CHST12: variants seen among roughly 807,000 people sequenced by gnomAD.
CHST12 encodes the protein carbohydrate (chondroitin 4) sulfotransferase 12.
Under a neutral mutation model 27.9 loss-of-function variants are expected in CHST12, and 23 were observed. The observed-to-expected ratio is 0.82, with a 90% CI of 0.59 to 1.17. The LOEUF is 1.17. Ranked by LOEUF, CHST12 falls within the 50% of genes most tolerant of loss-of-function variation. The pLI is 0.00. For missense variants in CHST12, 682 were observed against 603.0 expected, an observed-to-expected ratio of 1.13 and a Z score of -1.37; for synonymous variants, 322 against 273.0, an observed-to-expected ratio of 1.18 and a Z score of -1.77.
chr7:2,427,430 G>A lies in CHST12; in HGVS notation c.-77-5133G>A, dbSNP rs996158413. 5.9e-5 allele frequency among the ~76,000 whole-genome samples: 9 copies of A among 151,896 alleles called. 1 individual carries two copies. In the East Asian group the frequency reaches 1.7e-3, roughly 29 times the overall value. On this transcript the variant is annotated intron_variant, in intron 1 of 1. Coordinates refer to ENST00000618655, the MANE Select transcript of CHST12 (RefSeq NM_018641.5). ...ACGGGAGGATCACTTGAGCCTAGGA[G>A]GTCAAGGCTGCAGTGAGCTGTGATT...
At chr7:2,425,506 A>G (rs1340600040) in intron 1 of CHST12, among the ~76,000 whole-genome samples, 4 of 152,188 alleles carry the variant, frequency 2.6e-5, no homozygotes, top group Non-Finnish European at 4.4e-5. Flanking sequence ...CTGGCCTCTG[A>G]CGGAGATGAG....
At chr7:2,429,638 A>C (rs1188957877) in intron 1 of CHST12, among the ~76,000 whole-genome samples, 1 of 152,124 alleles carries the variant, frequency 6.6e-6, no homozygotes, top group Non-Finnish European at 1.5e-5. Flanking sequence ...TGTTTCATCT[A>C]GGTTGCTAAA....
At chr7:2,425,909 C>T (rs138507821) in intron 1 of CHST12, among the ~76,000 whole-genome samples, 1 of 152,024 alleles carries the variant, frequency 6.6e-6, no homozygotes, top group Non-Finnish European at 1.5e-5. Context: ...AGTCTGCACT[C>T]TGGTGGTGGC....
rs1397672831 is a variant in CHST12 at position 2,441,809 on chromosome 7, C to G, written c.*7925C>G. 1 of 150,762 alleles carries G rather than the reference C, an allele frequency of 6.6e-6. No individual in the cohort carries two copies. Among genetic ancestry groups the G allele is most frequent in the African/African-American group, 2.4e-5 (1 of 40,966 alleles). The allele number at this position is 150,762 out of a possible 1,614,324, so 9.3% of individuals were successfully genotyped here. Reference sequence around the variant, plus strand: ...AAGGTTGACCTTGTAAGTATATTTTCTTGGGTGAATTGTGGTGGTGGTAAT... The same window carrying G: ...AAGGTTGACCTTGTAAGTATATTTTGTTGGGTGAATTGTGGTGGTGGTAAT... On this transcript the variant is annotated 3_prime_UTR_variant, in exon 2 of 2. Transcript: ENST00000618655.
intron 1 of CHST12, among the ~76,000 whole-genome samples, chr7:2,430,924 C>T (rs1277277339): frequency 6.6e-6 from 1 of 152,162 alleles, no homozygotes; most frequent in Non-Finnish European, 1.5e-5. Flanking sequence ...GAGGTTTGGT[C>T]TACCATGGTG....
Position 2,433,741 on chromosome 7 carries a change from T to C in CHST12, c.1102T>C (p.Tyr368His). 1.2e-6 allele frequency: 2 copies of C among 1,613,810 alleles called. No homozygotes were observed. Among genetic ancestry groups the C allele is most frequent in the Non-Finnish European group, 1.7e-6 (2 of 1,179,996 alleles). ...CCGGCAGCTCCGCTTCCCCCCGAGC[T>C]ACCGGAACAGGACCGCCAGCAGCTG... ...VDRQLRFPPS[Y>H]RNRTASSWEE... The change falls in exon 2 of 2, where the codon TAC becomes CAC. Residue 368 changes from tyrosine to histidine, a missense_variant. Physicochemically the swap from Tyr to His is moderately conservative, Grantham distance 83. Coordinates refer to ENST00000618655, the MANE Select transcript of CHST12 (RefSeq NM_018641.5). The surrounding 1 kb of genome is among the most constrained non-coding windows in gnomAD (Gnocchi z 6.1).
At chr7:2,407,693 T>C (rs112220492) in intron 1 of CHST12, among the ~76,000 whole-genome samples, 28 of 151,672 alleles carry the variant, frequency 1.8e-4, no homozygotes, top group Admixed American at 9.9e-4. Flanking sequence ...TCCCAGCAAT[T>C]TAGGAGGTAG....
At chr7:2,428,553 C>G (rs1439355361) in intron 1 of CHST12, among the ~76,000 whole-genome samples, 4 of 152,066 alleles carry the variant, frequency 2.6e-5, no homozygotes, top group African/African-American at 9.7e-5. Context: ...CTGGATATAC[C>G]AGCATTTATT....
chr7:2,429,143 C>T (rs1262482026), intron 1 of CHST12, among the ~76,000 whole-genome samples: 1 of 152,224 alleles, frequency 6.6e-6, no homozygotes, highest in African/African-American at 2.4e-5. Flanking sequence ...TTGGCTCATT[C>T]TGACAGTCCA....
At chr7:2,422,546 CT>C (rs922944017) in intron 1 of CHST12, among the ~76,000 whole-genome samples, 6 of 143,784 alleles carry the variant, frequency 4.2e-5, no homozygotes, top group Admixed American at 2.1e-4. Context: ...CGCCCTGCCT[CT>C]TTTTTTTTAG....
At position 2,432,871 on chromosome 7, in the gene CHST12, G is replaced by C; in HGVS notation, c.232G>C (p.Val78Leu). 6.2e-7 allele frequency: 1 copy of C among 1,613,704 alleles called. No individual in the cohort carries two copies. The highest frequency in any genetic ancestry group is 1.1e-5 in the South Asian group (1 of 91,088). The change falls in exon 2 of 2, where the codon GTG becomes CTG. Residue 78 changes from valine (V) to leucine (L), a missense_variant. Val to Leu is a conservative substitution (Grantham distance 32). Transcript: ENST00000618655. ...TCTGGACAAGTTTCTCAGTGCTGGCGTGAAGCAGAGCGACCTTCCCAGAAA... is the reference window on the plus strand; with the variant it reads ...TCTGGACAAGTTTCTCAGTGCTGGCCTGAAGCAGAGCGACCTTCCCAGAAA... ...EFLDKFLSAGVKQSDLPRKET... is the reference protein window; with the variant it reads ...EFLDKFLSAGLKQSDLPRKET...
intron 1 of CHST12, among the ~76,000 whole-genome samples, chr7:2,409,210 A>C (rs1781601544): frequency 6.6e-6 from 1 of 152,146 alleles, no homozygotes; most frequent in East Asian, 1.9e-4. Context: ...AGGTGTGGGG[A>C]GGAGAGCGCT....
intron 1 of CHST12, among the ~76,000 whole-genome samples, chr7:2,427,481 A>G (rs2115429787): frequency 6.6e-6 from 1 of 151,510 alleles, no homozygotes; most frequent in East Asian, 2.0e-4. Context: ...AGCTTAGGTG[A>G]CAGAGCAAGG....
At chr7:2,421,798 C>T (rs1250550174) in intron 1 of CHST12, among the ~76,000 whole-genome samples, 2 of 151,954 alleles carry the variant, frequency 1.3e-5, no homozygotes, top group African/African-American at 4.8e-5. Context: ...TCTTAAACTC[C>T]TGGGCAGTTC....
chr7:2,425,936 G>T (rs1782106757), intron 1 of CHST12, among the ~76,000 whole-genome samples: 1 of 152,116 alleles, frequency 6.6e-6, no homozygotes, highest in South Asian at 2.1e-4. Flanking sequence ...GGTGCCAGGG[G>T]TCAGGGGTTA....
chr7:2,414,441 G>A (rs1781753574), intron 1 of CHST12, among the ~76,000 whole-genome samples: 1 of 151,778 alleles, frequency 6.6e-6, no homozygotes, highest in Non-Finnish European at 1.5e-5. Flanking sequence ...TTGCCCCCAT[G>A]CCCGGCTAAT....
Position 2,443,621 on chromosome 7 carries a change from A to G in CHST12, c.*9737A>G, listed in dbSNP as rs1176872250. 1 of 152,226 alleles carries G rather than the reference A, an allele frequency of 6.6e-6. No individual in the cohort carries two copies. Among genetic ancestry groups the G allele is most frequent in the Non-Finnish European group, 1.5e-5 (1 of 68,052 alleles). 9.4% of individuals were successfully genotyped at this position (152,226 alleles called of 1,614,324 possible). On this transcript the variant is annotated 3_prime_UTR_variant, in exon 2 of 2. Transcript: ENST00000618655. Reference sequence around the variant, plus strand: ...TACCAAAAATACTTAAAATTCTTACAGATGGCATGGGAAAGTAGCACACAG... The same window carrying G: ...TACCAAAAATACTTAAAATTCTTACGGATGGCATGGGAAAGTAGCACACAG...
chr7:2,424,361 T>G (rs1440819455), intron 1 of CHST12, among the ~76,000 whole-genome samples: 1 of 149,426 alleles, frequency 6.7e-6, no homozygotes, highest in East Asian at 2.2e-4. Flanking sequence ...GAACATGAAT[T>G]AAGAATCCAC....
Position 2,433,908 on chromosome 7 carries a change from G to C in CHST12, c.*24G>C. ...GAAAGCTTTCGCGTTGCTTTTTCTC[G>C]CGTGCCTGGAACCTGACGCACGCGC... On this transcript the variant is annotated 3_prime_UTR_variant, in exon 2 of 2. Coordinates refer to ENST00000618655, the MANE Select transcript of CHST12 (RefSeq NM_018641.5). This position sits in a 1 kb window ranked among gnomAD's most constrained non-coding sequence, Gnocchi z 6.1. The C allele has an allele frequency of 3.2e-6, 5 of 1,538,686 alleles. No homozygotes were observed. The highest frequency in any genetic ancestry group is 2.8e-5 in the African/African-American group (2 of 72,120).
Sources: allele counts gnomAD v4.1 joint callset (sites outside exome capture counted in the v4.1 genomes callset), GRCh38; gene constraint gnomAD v4.1.1; non-coding constraint Gnocchi (gnomAD v3.1); transcripts MANE v1.5; gene names NCBI Gene and HGNC (gene_info 2026-07-23, HGNC 2026-07-21).